Variants in SEPTIN11 observed in about 807,000 individuals in gnomAD.
SEPTIN11 encodes septin 11, also known as septin-11.
SEPTIN11 carries 25 observed loss-of-function variants against 51.4 expected under a neutral mutation model. That is an observed-to-expected ratio of 0.49 (90% CI 0.35 to 0.68). The LOEUF (loss-of-function observed/expected upper bound fraction) is 0.68, where lower values mean the gene tolerates loss of function less well. Ranked by LOEUF, SEPTIN11 falls within the 30% of genes least tolerant of loss-of-function variation. The pLI is 0.00. For missense variants in SEPTIN11, 381 were observed against 520.8 expected (o/e 0.73, Z 2.61); for synonymous variants, 174 against 184.1 (o/e 0.95, Z 0.44).
intron 2 of SEPTIN11, among the ~76,000 whole-genome samples, chr4:76,999,777 A>G (rs1723992064): frequency 6.6e-6 from 1 of 152,206 alleles, no homozygotes; most frequent in African/African-American, 2.4e-5. Context: ...ATAGAGGAAG[A>G]ATAGTTTTCA....
intron 4 of SEPTIN11, among the ~76,000 whole-genome samples, chr4:77,012,659 G>T (rs1724962311): frequency 6.6e-6 from 1 of 152,216 alleles, no homozygotes; most frequent in Admixed American, 6.5e-5. Context: ...AGAGGACTCT[G>T]CTGGGTGTTG....
At chr4:77,011,668 A>G in intron 3 of SEPTIN11, 67 bp from the exon 4 acceptor site, 1 of 1,442,526 alleles carries the variant, frequency 6.9e-7, no homozygotes, top group Non-Finnish European at 9.7e-7. Context: ...AGCCATTGTG[A>G]TGTTGAATGG....
intron 1 of SEPTIN11, among the ~76,000 whole-genome samples, chr4:76,973,687 A>G (rs543753185): frequency 6.6e-6 from 1 of 152,372 alleles, no homozygotes; most frequent in South Asian, 2.1e-4. Context: ...GTATAATTTC[A>G]TAGTGTTAAA....
intron 9 of SEPTIN11, chr4:77,031,944 A>G (rs1046204994): frequency 6.6e-6 from 1 of 152,242 alleles, no homozygotes. Context: ...AAAGCTGACC[A>G]TATGTAAAAA....
chr4:76,977,386 T>A (rs184612947), intron 1 of SEPTIN11, among the ~76,000 whole-genome samples: 1 of 152,286 alleles, frequency 6.6e-6, no homozygotes, highest in East Asian at 1.9e-4. Context: ...GAAGTGCATG[T>A]AAAGGAATGT....
intron 1 of SEPTIN11, among the ~76,000 whole-genome samples, chr4:76,975,069 T>C (rs561304114): frequency 2.7e-5 from 4 of 150,154 alleles, no homozygotes; most frequent in Non-Finnish European, 3.0e-5. Flanking sequence ...TGAGCAGAGA[T>C]TGCGCCACTG....
At chr4:76,995,847 G>C (rs1723676557) in intron 1 of SEPTIN11, 1 of 1,535,426 alleles carries the variant, frequency 6.5e-7, no homozygotes, top group African/African-American at 1.4e-5. Context: ...ACAGGGTGAA[G>C]AGGGGGAAGA....
At chr4:77,018,688 C>T (rs1489628948) in intron 5 of SEPTIN11, among the ~76,000 whole-genome samples, 1 of 131,626 alleles carries the variant, frequency 7.6e-6, no homozygotes, top group Non-Finnish European at 1.6e-5. Flanking sequence ...TTGTGTCTAC[C>T]TTGCCATCTA....
At position 76,995,275 on chromosome 4, in the gene SEPTIN11, G is replaced by T. The variant is rs1723623854; in HGVS notation, c.28-1150G>T. Reference sequence around the variant, plus strand: ...CGCGTGCCTATAATCCCAGCTACTCGGGAGGCTGAGGCACTAGAATCACTT... The same window carrying T: ...CGCGTGCCTATAATCCCAGCTACTCTGGAGGCTGAGGCACTAGAATCACTT... On this transcript the variant is annotated intron_variant, in intron 1 of 9. Coordinates refer to ENST00000264893, the MANE Select transcript of SEPTIN11 (RefSeq NM_018243.4). Among the ~76,000 whole-genome samples, 3 of 151,708 alleles carry T rather than the reference G, an allele frequency of 2.0e-5. No homozygotes were observed. In the South Asian group the frequency reaches 6.3e-4, roughly 32 times the overall value.
Position 77,037,815 on chromosome 4 carries a change from A to C in SEPTIN11, c.*3303A>C. The C allele has an allele frequency of 1.0e-6, 1 of 985,882 alleles. No homozygotes were observed. Among genetic ancestry groups the C allele is most frequent in the African/African-American group, 1.7e-5 (1 of 57,364 alleles). The allele number at this position is 985,882 out of a possible 1,614,324, so 61.1% of individuals were successfully genotyped here. The stretch of plus-strand genomic sequence containing the variant: ...TTATTAATTGGTTAAGGTTTTCTCC[A>C]AAAAGGGCATTTCAACAATGGGAAT... On this transcript the variant is annotated 3_prime_UTR_variant, in exon 10 of 10. Transcript: ENST00000264893.
intron 1 of SEPTIN11, among the ~76,000 whole-genome samples, chr4:76,983,783 G>A (rs1722890345): frequency 6.6e-6 from 1 of 152,162 alleles, no homozygotes; most frequent in Admixed American, 6.5e-5. Context: ...GCCGAGGCAG[G>A]CAGATCACAA....
chr4:76,951,201 C>T (rs1380318990), intron 1 of SEPTIN11, among the ~76,000 whole-genome samples: 1 of 152,216 alleles, frequency 6.6e-6, no homozygotes, highest in East Asian at 1.9e-4. Flanking sequence ...CACCCTACCC[C>T]CTCGGGAGAA....
intron 1 of SEPTIN11, among the ~76,000 whole-genome samples, chr4:76,977,704 C>G (rs1722567030): frequency 6.6e-6 from 1 of 150,482 alleles, no homozygotes; most frequent in Admixed American, 6.6e-5. Flanking sequence ...CTGGGGATGT[C>G]CTCTTATCCC....
In SEPTIN11 at chr4:76,956,962, A is replaced by ATGTGTGTGTGTGTGTGTGTGTG. The variant is rs202035045; in HGVS notation, c.27+7043_27+7064dup. Among the ~76,000 whole-genome samples the ATGTGTGTGTGTGTGTGTGTGTG allele has an allele frequency of 3.3e-3, 397 of 119,048 alleles. 2 individuals are homozygous for ATGTGTGTGTGTGTGTGTGTGTG. The highest frequency in any genetic ancestry group is 9.4e-3 in the African/African-American group (282 of 29,904). 78.1% of individuals were successfully genotyped at this position (119,048 alleles called of 152,430 possible). The stretch of plus-strand genomic sequence containing the variant: ...GATTCTAGCTGGGCATAGTAGAATG[A>ATGTGTGTGTGTGTGTGTGTGTG]TGTGTGTGTGTGTGTGTGTGTGTGT... On this transcript the variant is annotated intron_variant, in intron 1 of 9. Coordinates refer to ENST00000264893, the MANE Select transcript of SEPTIN11 (RefSeq NM_018243.4).
chr4:77,030,532 G>A (rs1347636017), intron 8 of SEPTIN11, among the ~76,000 whole-genome samples: 1 of 152,032 alleles, frequency 6.6e-6, no homozygotes, highest in Non-Finnish European at 1.5e-5. Flanking sequence ...GAGTAGCAGG[G>A]ATTACAGGCA....
chr4:77,019,003 A>T (rs1028481571), intron 5 of SEPTIN11, among the ~76,000 whole-genome samples, 162 bp from the exon 6 acceptor site: 1 of 152,158 alleles, frequency 6.6e-6, no homozygotes, highest in Non-Finnish European at 1.5e-5. Context: ...GTGTTTGGTT[A>T]TAAGGGGGGT....
At chr4:77,000,383 C>T (rs752337527) in intron 2 of SEPTIN11, among the ~76,000 whole-genome samples, 6 of 152,050 alleles carry the variant, frequency 3.9e-5, no homozygotes, top group Non-Finnish European at 7.4e-5. Flanking sequence ...TAGGGTAAAA[C>T]GAATGAAGAT....
intron 1 of SEPTIN11, among the ~76,000 whole-genome samples, chr4:76,953,952 AC>A (rs1721454047): frequency 6.6e-6 from 1 of 152,186 alleles, no homozygotes; most frequent in Non-Finnish European, 1.5e-5. Flanking sequence ...AGCAGACATA[AC>A]CCATCTTGTA....
chr4:76,963,441 G>A (rs1363069025), intron 1 of SEPTIN11, among the ~76,000 whole-genome samples: 1 of 152,174 alleles, frequency 6.6e-6, no homozygotes, highest in East Asian at 1.9e-4. Context: ...ACTTGCCCAA[G>A]GTAAACAGTG....
Sources: allele counts gnomAD v4.1 joint callset (sites outside exome capture counted in the v4.1 genomes callset), GRCh38; gene constraint gnomAD v4.1.1; transcripts MANE v1.5; gene names NCBI Gene and HGNC (gene_info 2026-07-23, HGNC 2026-07-21).